The following SH3RF3 variants were observed in gnomAD, a reference collection of about 807,000 sequenced individuals.
SH3RF3 encodes the protein E3 ubiquitin-protein ligase SH3RF3.
A neutral mutation model predicts 66.3 loss-of-function variants in SH3RF3; 29 were observed. The ratio of observed to expected loss-of-function variants is 0.44; its 90% CI spans 0.33 to 0.60. The LOEUF is 0.60. SH3RF3 is among the 20% of genes least tolerant of loss of function. The probability of loss-of-function intolerance (pLI) is 0.04; values close to 1 mark genes in which losing one functional copy is unlikely to be tolerated. For synonymous variants in SH3RF3, 583 were observed against 532.0 expected, an observed-to-expected ratio of 1.10 and a Z score of -1.32; for missense variants, 1,194 against 1,190.9, an observed-to-expected ratio of 1.00 and a Z score of -0.04.
intron 5 of SH3RF3, among the ~76,000 whole-genome samples, chr2:109,428,604 C>T (rs1255541807): frequency 6.6e-6 from 1 of 152,212 alleles, no homozygotes; most frequent in African/African-American, 2.4e-5. Context: ...TCAAGAGGCG[C>T]TTTTTCTCAT....
rs1679474224 is a variant in SH3RF3, at chr2:109,504,340, A to T, written c.*2669A>T. On this transcript the variant is annotated 3_prime_UTR_variant, in exon 10 of 10. Coordinates refer to ENST00000309415, the MANE Select transcript of SH3RF3 (RefSeq NM_001099289.3). Reference sequence around the variant, plus strand: ...GCTGAAGTCAGTGGACACCGAGGGGACAGGACTGCAGGCCACCAGGGGCCT... The same window carrying T: ...GCTGAAGTCAGTGGACACCGAGGGGTCAGGACTGCAGGCCACCAGGGGCCT... The T allele has an allele frequency of 6.6e-6, 1 of 152,198 alleles. No individual in the cohort carries two copies. The highest frequency in any genetic ancestry group is 1.5e-5 in the Non-Finnish European group (1 of 68,062). The allele number at this position is 152,198 out of a possible 1,614,324, so 9.4% of individuals were successfully genotyped here.
At position 109,249,497 on chromosome 2, in the gene SH3RF3, CTTTCTTTCTTTCATTCTTTCTT is replaced by C. The variant is rs1417187114; in HGVS notation, c.574-98164_574-98143del. ...TCTTTCTTTCTTTCTTTCTTTCTTT[CTTTCTTTCTTTCATTCTTTCTT>C]TTTCTTTCTTTCTTTCCTTCCTTCC... On this transcript the variant is annotated intron_variant, in intron 1 of 9. Transcript: ENST00000309415. Among the ~76,000 whole-genome samples the C allele has an allele frequency of 6.5e-3, 208 of 31,996 alleles. 3 individuals carry two copies. The highest frequency in any genetic ancestry group is 0.026 in the East Asian group (13 of 502). The allele number at this position is 31,996 out of a possible 152,430, so 21.0% of individuals were successfully genotyped here.
chr2:109,185,806 C>A (rs1488141365), intron 1 of SH3RF3, among the ~76,000 whole-genome samples: 1 of 152,234 alleles, frequency 6.6e-6, no homozygotes, highest in African/African-American at 2.4e-5. Flanking sequence ...AGTTATTAAT[C>A]TTCTGTGGCA....
chr2:109,362,667 G>A (rs1683071480), intron 2 of SH3RF3, among the ~76,000 whole-genome samples: 1 of 152,104 alleles, frequency 6.6e-6, no homozygotes, highest in African/African-American at 2.4e-5. Context: ...TTCTGATTCA[G>A]GGGTGTTAAA....
chr2:109,274,281 C>T (rs59287607), intron 1 of SH3RF3, among the ~76,000 whole-genome samples: 1 of 152,034 alleles, frequency 6.6e-6, no homozygotes, highest in Non-Finnish European at 1.5e-5. Context: ...AAGTGAATTC[C>T]TAGGTGTGTG....
chr2:109,221,581 C>CA (rs60310731), intron 1 of SH3RF3, among the ~76,000 whole-genome samples: 2,145 of 62,886 alleles, frequency 0.034, 71 homozygotes, highest in African/African-American at 0.077. Context: ...GACTCCATCT[C>CA]AAAAAAAAAA....
At chr2:109,180,497 T>C (rs1286403243) in intron 1 of SH3RF3, among the ~76,000 whole-genome samples, 1 of 152,148 alleles carries the variant, frequency 6.6e-6, no homozygotes. Flanking sequence ...CACCCAAATC[T>C]CATCTTGAAT....
At chr2:109,448,156 G>C (rs1677761103) in intron 7 of SH3RF3, among the ~76,000 whole-genome samples, 1 of 152,210 alleles carries the variant, frequency 6.6e-6, no homozygotes, top group South Asian at 2.1e-4. Flanking sequence ...AGTCAAGCTT[G>C]GTCGGCTTGC....
chr2:109,428,332 A>G (rs539960772), intron 5 of SH3RF3, among the ~76,000 whole-genome samples: 7 of 152,388 alleles, frequency 4.6e-5, no homozygotes, highest in African/African-American at 1.7e-4. Flanking sequence ...TCTGCAGACA[A>G]TTAGCAGCAA....
At chr2:109,352,891 G>A (rs372548726) in intron 2 of SH3RF3, among the ~76,000 whole-genome samples, 3 of 152,248 alleles carry the variant, frequency 2.0e-5, no homozygotes, top group Admixed American at 6.5e-5. Context: ...ACAGATAACC[G>A]TTTTGATTTG....
At chr2:109,437,766 A>C (rs2104589665) in intron 7 of SH3RF3, among the ~76,000 whole-genome samples, 1 of 152,192 alleles carries the variant, frequency 6.6e-6, no homozygotes, top group Admixed American at 6.5e-5. Context: ...AGATGAAAAG[A>C]AATTATGGGG....
At chr2:109,237,305 T>C (rs1679672110) in intron 1 of SH3RF3, among the ~76,000 whole-genome samples, 1 of 152,176 alleles carries the variant, frequency 6.6e-6, no homozygotes, top group Non-Finnish European at 1.5e-5. Flanking sequence ...TCAGAAAACA[T>C]GGAGAAATGT....
At chr2:109,300,192 T>C (rs1681420317) in intron 1 of SH3RF3, among the ~76,000 whole-genome samples, 1 of 151,986 alleles carries the variant, frequency 6.6e-6, no homozygotes, top group African/African-American at 2.4e-5. Flanking sequence ...CGAGAGGGCA[T>C]CCTGAAATTT....
At chr2:109,138,372 G>A (rs1676862261) in intron 1 of SH3RF3, among the ~76,000 whole-genome samples, 1 of 152,186 alleles carries the variant, frequency 6.6e-6, no homozygotes, top group Non-Finnish European at 1.5e-5. Context: ...AAAGTAGTGG[G>A]GTTTCAGTTT....
chr2:109,174,042 C>T (rs1323222533), intron 1 of SH3RF3, among the ~76,000 whole-genome samples: 2 of 152,184 alleles, frequency 1.3e-5, no homozygotes, highest in Non-Finnish European at 2.9e-5. Context: ...CACAGCAGTG[C>T]GGTTTGGTGG....
chr2:109,463,230 A>G (rs1244614449), intron 8 of SH3RF3, among the ~76,000 whole-genome samples: 3 of 152,188 alleles, frequency 2.0e-5, no homozygotes, highest in African/African-American at 4.8e-5. Context: ...CAGCCCATCT[A>G]TTTCTCTTCC....
At chr2:109,417,974 C>T (rs1348365549) in intron 4 of SH3RF3, among the ~76,000 whole-genome samples, 1 of 152,058 alleles carries the variant, frequency 6.6e-6, no homozygotes, top group African/African-American at 2.4e-5. Flanking sequence ...CAGGGCTGGC[C>T]ACCTACCTGG....
intron 1 of SH3RF3, among the ~76,000 whole-genome samples, chr2:109,335,098 C>A (rs1361581302): frequency 6.6e-6 from 1 of 152,218 alleles, no homozygotes; most frequent in Non-Finnish European, 1.5e-5. Flanking sequence ...CCACTCCCTG[C>A]TTCAAAACCG....
At chr2:109,425,192 G>A (rs1676994141) in intron 5 of SH3RF3, among the ~76,000 whole-genome samples, 1 of 152,228 alleles carries the variant, frequency 6.6e-6, no homozygotes, top group African/African-American at 2.4e-5. Flanking sequence ...TGCTGAGAGA[G>A]GTGAGGAAGC....
Sources: gnomAD v4.1 joint callset for allele counts (sites outside exome capture counted in the v4.1 genomes callset) on GRCh38, gnomAD v4.1.1 for gene constraint, MANE v1.5 for transcripts, NCBI Gene and HGNC (gene_info 2026-07-23, HGNC 2026-07-21) for gene names.